The following TM4SF1 variants were observed in gnomAD, a reference collection of about 807,000 sequenced individuals.
TM4SF1 encodes transmembrane 4 L six family member 1, also known as transmembrane 4 L6 family member 1.
TM4SF1 carries 20 observed loss-of-function variants against 24.5 expected under a neutral mutation model. That is an observed-to-expected ratio of 0.82 (90% confidence interval 0.57 to 1.19). The LOEUF (loss-of-function observed/expected upper bound fraction) is 1.19, where lower values mean the gene tolerates loss of function less well. TM4SF1 is among the 50% of genes most tolerant of loss of function. The pLI is 0.00. For synonymous variants in TM4SF1, 107 were observed against 95.4 expected, an observed-to-expected ratio of 1.12 and a Z score of -0.71; for missense variants, 258 against 248.1, an observed-to-expected ratio of 1.04 and a Z score of -0.27.
chr3:149,371,600 T>A (rs1161693650), intron 4 of TM4SF1, 87 bp downstream of exon 4: 1 of 1,347,752 alleles, frequency 7.4e-7, no homozygotes, highest in African/African-American at 1.4e-5. Flanking sequence ...AGGTCGAGCA[T>A]GTTTGGTTTT....
At chr3:149,377,299 T>G in intron 1 of TM4SF1, 72 bp downstream of exon 1, 1 of 1,526,886 alleles carries the variant, frequency 6.5e-7, no homozygotes, top group Non-Finnish European at 8.8e-7. Context: ...TACAAAAAAC[T>G]TTCCATGAAA....
At chr3:149,369,952 C>T in intron 4 of TM4SF1, 72 bp from the exon 5 acceptor site, 1 of 1,543,836 alleles carries the variant, frequency 6.5e-7, no homozygotes, top group Admixed American at 2.1e-5. Flanking sequence ...CCTTTAAGTT[C>T]CTATTTTAAG....
chr3:149,370,415 T>C, intron 4 of TM4SF1: 1 of 152,958 alleles, frequency 6.5e-6, no homozygotes, highest in Non-Finnish European at 1.5e-5. Flanking sequence ...GAGAGTATCA[T>C]TCCCTGCCAA....
Position 149,377,641 on chromosome 3 carries a change from AAC to A in TM4SF1, c.-96_-95del. ...GTGTGCCCTTCTGGTGGAGAAAGCAAACACCACTCTCAGCCCATTCCTGCTAC... is the reference window on the plus strand; with the variant it reads ...GTGTGCCCTTCTGGTGGAGAAAGCAAACCACTCTCAGCCCATTCCTGCTAC... On this transcript the variant is annotated 5_prime_UTR_variant, in exon 1 of 5. Coordinates refer to ENST00000305366, the MANE Select transcript of TM4SF1 (RefSeq NM_014220.3). 6.6e-7 allele frequency: 1 copy of A among 1,521,106 alleles called. No individual in the cohort carries two copies. The highest frequency in any genetic ancestry group is 8.8e-7 in the Non-Finnish European group (1 of 1,135,692). 94.2% of individuals were successfully genotyped at this position (1,521,106 alleles called of 1,614,324 possible). A position where few individuals can be genotyped will look rare whatever the true frequency, so the allele number is the denominator to read the frequency against.
Position 149,375,778 on chromosome 3 carries a change from GAAAC to G in TM4SF1, c.178-13_178-10del, listed in dbSNP as rs551068198. On this transcript the variant is annotated splice_polypyrimidine_tract_variant and intron_variant, in intron 1 of 4. Coordinates refer to ENST00000305366, the MANE Select transcript of TM4SF1 (RefSeq NM_014220.3). Reference sequence around the variant, plus strand: ...AATGCTGGCAGGAGCATCTGGTTAGGAAACAAACAAAGTCAGGTCATTGTCTTGC... The same window carrying G: ...AATGCTGGCAGGAGCATCTGGTTAGGAAACAAAGTCAGGTCATTGTCTTGC... 6.2e-4 allele frequency: 1,000 copies of G among 1,614,116 alleles called. 1 individual carries two copies. The highest frequency in any genetic ancestry group is 2.6e-3 in the Middle Eastern group (16 of 6,054).
Position 149,369,721 on chromosome 3 carries a change from A to G in TM4SF1, c.*145T>C. ...AAATTTAAACACTGACATCCTGTGA[A>G]GATGCCAGTCTTTACAGGCGTTTGT... On this transcript the variant is annotated 3_prime_UTR_variant, in exon 5 of 5. Coordinates refer to ENST00000305366, the MANE Select transcript of TM4SF1 (RefSeq NM_014220.3). 1 of 898,036 alleles carries G rather than the reference A, an allele frequency of 1.1e-6. No homozygotes were observed. Among genetic ancestry groups the G allele is most frequent in the Non-Finnish European group, 1.7e-6 (1 of 584,130 alleles). 55.6% of individuals were successfully genotyped at this position (898,036 alleles called of 1,614,324 possible).
At chr3:149,374,755 G>A (rs1042784585) in intron 3 of TM4SF1, among the ~76,000 whole-genome samples, 2 of 152,194 alleles carry the variant, frequency 1.3e-5, no homozygotes, top group Non-Finnish European at 2.9e-5. Flanking sequence ...ACAGGGGTAA[G>A]GGCATGGTTT....
chr3:149,371,739 A>G lies in TM4SF1; in HGVS notation c.542T>C (p.Val181Ala), dbSNP rs749839395. The G allele has an allele frequency of 6.2e-7, 1 of 1,614,082 alleles. No individual in the cohort carries two copies. The highest frequency in any genetic ancestry group is 1.3e-5 in the African/African-American group (1 of 74,934). Residue 181 changes from valine (V) to alanine (A), a missense_variant, in exon 4 of 5, where the codon GTA (valine) becomes GCA (alanine). Coordinates refer to ENST00000305366, the MANE Select transcript of TM4SF1 (RefSeq NM_014220.3). Reference sequence around the variant, plus strand: ...TATGCCTCCAAGCACTCCATTTATTACTTGAATAAGACACAAGATGAATTC... The same window carrying G: ...TATGCCTCCAAGCACTCCATTTATTGCTTGAATAAGACACAAGATGAATTC... ...GIEFILCLIQ[V>A]INGVLGGICG...
At chr3:149,377,105 C>T (rs889025820) in intron 1 of TM4SF1, among the ~76,000 whole-genome samples, 21 of 152,104 alleles carry the variant, frequency 1.4e-4, no homozygotes, top group East Asian at 9.6e-4. Context: ...GATTTAAAAG[C>T]GAATATCTGT....
intron 1 of TM4SF1, 103 bp from the exon 2 acceptor site, chr3:149,375,872 C>T (rs1412370262): frequency 3.6e-6 from 4 of 1,101,390 alleles, no homozygotes; most frequent in Non-Finnish European, 5.4e-6. Context: ...ATGACATTAA[C>T]TGGCTTTGAT....
In TM4SF1 at chr3:149,375,486, A is replaced by G; in HGVS notation, c.370T>C (p.Ser124Pro). The change falls in exon 3 of 5, where the codon TCC (serine) becomes CCC (proline). Residue 124 changes from serine to proline, a missense_variant. By Grantham distance (74) the Ser-to-Pro change is moderately conservative. Coordinates refer to ENST00000305366, the MANE Select transcript of TM4SF1 (RefSeq NM_014220.3). ...AAGGTGTAGTTCCACTGGCCGAGGG[A>G]ATCAAGACATAGTGGTCCTTCTGCT... ...GLAEGPLCLD[S>P]LGQWNYTFAS... 1 of 1,614,196 alleles carries G rather than the reference A, an allele frequency of 6.2e-7. No individual in the cohort carries two copies. Among genetic ancestry groups the G allele is most frequent in the African/African-American group, 1.3e-5 (1 of 75,038 alleles).
intron 1 of TM4SF1, 72 bp from the exon 2 acceptor site, chr3:149,375,841 G>A: frequency 7.3e-7 from 1 of 1,363,172 alleles, no homozygotes; most frequent in Non-Finnish European, 1.0e-6. Context: ...GGCATCTCTT[G>A]GTAAAATATA....
At position 149,369,494 on chromosome 3, in the gene TM4SF1, C is replaced by T. The variant is rs766006545; in HGVS notation, c.*372G>A. On this transcript the variant is annotated 3_prime_UTR_variant, in exon 5 of 5. Transcript: ENST00000305366. ...TCCTTCTTGGTCTTATAAAAAGCAA[C>T]TAGACATCTTTAATTTAAAAAATAC... 4 of 164,994 alleles carry T rather than the reference C, an allele frequency of 2.4e-5. No homozygotes were observed. The highest frequency in any genetic ancestry group is 5.2e-5 in the Non-Finnish European group (4 of 77,290). 10.2% of individuals were successfully genotyped at this position (164,994 alleles called of 1,614,324 possible).
chr3:149,370,723 A>T (rs548667373), intron 4 of TM4SF1: 1 of 152,296 alleles, frequency 6.6e-6, no homozygotes, highest in African/African-American at 2.4e-5. Flanking sequence ...TTTTCATTTT[A>T]ACCTTCCCCC....
chr3:149,375,403 T>C (rs1560003306), intron 3 of TM4SF1, 40 bp downstream of exon 3: 2 of 1,608,896 alleles, frequency 1.2e-6, no homozygotes, highest in Admixed American at 3.3e-5. Context: ...ATACATGTGG[T>C]GGATAAAAAT....
intron 1 of TM4SF1, among the ~76,000 whole-genome samples, chr3:149,376,461 G>C (rs1731956127): frequency 6.6e-6 from 1 of 152,164 alleles, no homozygotes; most frequent in Non-Finnish European, 1.5e-5. Flanking sequence ...TTGGGCCCAT[G>C]AGTTCAAGAC....
chr3:149,374,017 A>G (rs930200743), intron 3 of TM4SF1, among the ~76,000 whole-genome samples: 1 of 152,178 alleles, frequency 6.6e-6, no homozygotes, highest in South Asian at 2.1e-4. Context: ...GAACACCAAA[A>G]TTTCAAACTT....
intron 4 of TM4SF1, 97 bp downstream of exon 4, chr3:149,371,590 A>G: frequency 8.3e-7 from 1 of 1,202,946 alleles, no homozygotes; most frequent in South Asian, 1.2e-5. Context: ...AAATGCTGGT[A>G]GGTCGAGCAT....
chr3:149,375,359 G>A (rs1370204286), intron 3 of TM4SF1, 84 bp downstream of exon 3: 3 of 1,525,552 alleles, frequency 2.0e-6, no homozygotes, highest in East Asian at 4.5e-5. Flanking sequence ...ATGGATAAGT[G>A]GATGCCTATC....
Sources: gnomAD v4.1 joint callset for allele counts (sites outside exome capture counted in the v4.1 genomes callset) on GRCh38, gnomAD v4.1.1 for gene constraint, MANE v1.5 for transcripts, NCBI Gene and HGNC (gene_info 2026-07-23, HGNC 2026-07-21) for gene names.